Variants in ARHGEF12 observed in about 807,000 individuals in gnomAD.
ARHGEF12 encodes the protein Rho guanine nucleotide exchange factor 12, also known as KMT2A/ARHGEF12 fusion protein.
Under a neutral mutation model 211.2 loss-of-function variants are expected in ARHGEF12, and 66 were observed. The ratio of observed to expected loss-of-function variants is 0.31; its 90% confidence interval spans 0.26 to 0.38. ARHGEF12 has a LOEUF of 0.38. Among genes scored for constraint, ARHGEF12 ranks in the 10% least tolerant of loss-of-function variants. The pLI is 1.00. For synonymous variants in ARHGEF12, 592 were observed against 638.4 expected (o/e 0.93, Z 1.09); for missense variants, 1,429 against 1,869.5 (o/e 0.76, Z 4.34).
chr11:120,465,261 T>C lies in ARHGEF12; in HGVS notation c.2638T>C (p.Leu880=), dbSNP rs545826859. 38 of 1,614,106 alleles carry C rather than the reference T, an allele frequency of 2.4e-5. No homozygotes were observed. In the African/African-American group the frequency reaches 3.3e-4, roughly 14 times the overall value. ...GTTCAGCGGACCAGGAGAGGAGAAA[T>C]TGAAACATGCTGCTGCTACCTTTTG... The part of the protein sequence containing the change: ...TWFSGPGEEK[L]KHAAATFCSN... Residue 880 remains leucine (L), a synonymous_variant, in exon 28 of 41, where the codon TTG becomes CTG. Transcript: ENST00000397843.
chr11:120,355,612 T>C (rs1415683277), intron 1 of ARHGEF12, among the ~76,000 whole-genome samples: 1 of 152,082 alleles, frequency 6.6e-6, no homozygotes, highest in African/African-American at 2.4e-5. Flanking sequence ...GAGGCTGAGG[T>C]GGGAGGATTG....
In ARHGEF12 at chr11:120,423,189, T is replaced by C. The variant is rs1017919336; in HGVS notation, c.349-1169T>C. 1.7e-4 allele frequency among the ~76,000 whole-genome samples: 26 copies of C among 152,200 alleles called. No individual in the cohort carries two copies. In the East Asian group the frequency reaches 1.9e-3, roughly 11 times the overall value. On this transcript the variant is annotated intron_variant, in intron 6 of 40. Transcript: ENST00000397843. ...CTCACTGATAACAAAGAAGAAGAAA[T>C]TAAAATGATAGGTGAAAAATACATT...
chr11:120,428,515 C>T (rs1945423247), intron 8 of ARHGEF12, among the ~76,000 whole-genome samples: 1 of 152,160 alleles, frequency 6.6e-6, no homozygotes, highest in Non-Finnish European at 1.5e-5. Context: ...AGATTATAGT[C>T]ATCTTAGAAT....
intron 38 of ARHGEF12, among the ~76,000 whole-genome samples, chr11:120,480,691 T>A (rs1314835581): frequency 6.6e-6 from 1 of 151,626 alleles, no homozygotes; most frequent in African/African-American, 2.4e-5. Context: ...GGATGGTAAA[T>A]AAGTAAACAA....
chr11:120,399,339 A>AT (rs1944487383), intron 1 of ARHGEF12, among the ~76,000 whole-genome samples: 1 of 147,296 alleles, frequency 6.8e-6, no homozygotes, highest in Non-Finnish European at 1.5e-5. Flanking sequence ...AAAAAAAAAA[A>AT]AAAAAAAAAA....
At chr11:120,378,618 T>C (rs561687955) in intron 1 of ARHGEF12, among the ~76,000 whole-genome samples, 4 of 152,366 alleles carry the variant, frequency 2.6e-5, no homozygotes, top group African/African-American at 9.6e-5. Context: ...TTAGCTCTTA[T>C]GTTTAGGCCT....
chr11:120,487,584 G>C lies in ARHGEF12; in HGVS notation c.*2507G>C, dbSNP rs1461807360. ...TGCAGTCTGTCTTTGAGTGAGACTG[G>C]TCACCATCAGAGGAGTTTTTTCTAA... On this transcript the variant is annotated 3_prime_UTR_variant, in exon 41 of 41. Coordinates refer to ENST00000397843, the MANE Select transcript of ARHGEF12 (RefSeq NM_015313.3). 1.4e-5 allele frequency: 3 copies of C among 211,890 alleles called. No individual in the cohort carries two copies. 13.1% of individuals were successfully genotyped at this position (211,890 alleles called of 1,614,324 possible).
At chr11:120,346,986 G>A (rs1591481741) in intron 1 of ARHGEF12, among the ~76,000 whole-genome samples, 3 of 152,304 alleles carry the variant, frequency 2.0e-5, no homozygotes, top group African/African-American at 7.2e-5. Context: ...TATATAGACT[G>A]ACAGGTGTCA....
At chr11:120,440,429 A>G (rs1387856928) in intron 13 of ARHGEF12, among the ~76,000 whole-genome samples, 2 of 152,168 alleles carry the variant, frequency 1.3e-5, no homozygotes, top group African/African-American at 4.8e-5. Context: ...GAGATCATTA[A>G]TATATGTTTA....
rs138718355 is a variant in ARHGEF12, at chr11:120,422,433, C to A, written c.348+581C>A. On this transcript the variant is annotated intron_variant, in intron 6 of 40. Transcript: ENST00000397843. ...CTTCAACCTGGGCAATATAGTGAGA[C>A]CCTGTCTTTACAAAACAAATAAAAC... Among the ~76,000 whole-genome samples, 496 of 152,284 alleles carry A rather than the reference C, an allele frequency of 3.3e-3. 1 individual carries two copies. Among genetic ancestry groups the A allele is most frequent in the African/African-American group, 0.012 (482 of 41,550 alleles).
intron 1 of ARHGEF12, among the ~76,000 whole-genome samples, chr11:120,351,244 G>A (rs528474987): frequency 2.0e-4 from 30 of 146,874 alleles, no homozygotes; most frequent in African/African-American, 6.1e-4. Flanking sequence ...CCAGCTACTC[G>A]GGAGACTGAG....
At chr11:120,346,155 G>A (rs1404513142) in intron 1 of ARHGEF12, among the ~76,000 whole-genome samples, 2 of 152,088 alleles carry the variant, frequency 1.3e-5, no homozygotes, top group African/African-American at 4.8e-5. Context: ...ATATATACCA[G>A]CCTATAATTT....
At chr11:120,420,468 T>C (rs192056465) in intron 4 of ARHGEF12, among the ~76,000 whole-genome samples, 14 of 152,352 alleles carry the variant, frequency 9.2e-5, no homozygotes, top group African/African-American at 3.4e-4. Flanking sequence ...TCCTTCTAGC[T>C]GTCTCATGTC....
intron 26 of ARHGEF12, among the ~76,000 whole-genome samples, chr11:120,460,245 G>A (rs762579921): frequency 6.6e-6 from 1 of 151,960 alleles, no homozygotes; most frequent in Non-Finnish European, 1.5e-5. Flanking sequence ...TTATTCCTTT[G>A]TGGATAATCT....
intron 22 of ARHGEF12, among the ~76,000 whole-genome samples, chr11:120,454,282 A>C (rs999123316): frequency 3.3e-5 from 5 of 152,266 alleles, no homozygotes; most frequent in African/African-American, 7.2e-5. Context: ...AACATATCAG[A>C]CAATGACATA....
At chr11:120,458,952 T>A (rs1050250674) in intron 25 of ARHGEF12, 37 of 315,248 alleles carry the variant, frequency 1.2e-4, no homozygotes, top group Admixed American at 3.4e-4. Flanking sequence ...CTAAAAAAAA[T>A]AGTTTTGAAT....
At chr11:120,403,143 A>G (rs1400018943) in intron 1 of ARHGEF12, among the ~76,000 whole-genome samples, 1 of 152,218 alleles carries the variant, frequency 6.6e-6, no homozygotes, top group Non-Finnish European at 1.5e-5. Context: ...GAGTGAATAA[A>G]TGTATTCTGA....
At chr11:120,465,461 C>T (rs974049776) in intron 28 of ARHGEF12, 99 bp downstream of exon 28, 18 of 1,477,988 alleles carry the variant, frequency 1.2e-5, no homozygotes, top group South Asian at 2.5e-5. Context: ...ACAAAGATTA[C>T]ATCTGTGTTA....
chr11:120,416,663 C>T (rs867702983), intron 4 of ARHGEF12, among the ~76,000 whole-genome samples: 23 of 149,360 alleles, frequency 1.5e-4, no homozygotes, highest in Non-Finnish European at 2.8e-4. Flanking sequence ...AATTGATCCT[C>T]TTTTTTTTTT....
Sources: allele counts gnomAD v4.1 joint callset (sites outside exome capture counted in the v4.1 genomes callset), GRCh38; gene constraint gnomAD v4.1.1; transcripts MANE v1.5; gene names NCBI Gene and HGNC (gene_info 2026-07-23, HGNC 2026-07-21).